EMC2: variants seen among roughly 807,000 people sequenced by gnomAD.
The protein encoded by EMC2 is ER membrane protein complex subunit 2, also known as TPR repeat protein 35.
EMC2 carries 37 observed loss-of-function variants against 51.6 expected under a neutral mutation model. The observed-to-expected ratio is 0.72, with a 90% confidence interval of 0.55 to 0.94. The LOEUF is 0.94. EMC2 is among the 40% of genes least tolerant of loss of function. The probability of loss-of-function intolerance (pLI) is 0.00; values close to 1 mark genes in which losing one functional copy is unlikely to be tolerated. For synonymous variants in EMC2, 131 were observed against 112.4 expected (o/e 1.17, Z -1.04); for missense variants, 359 against 350.9 (o/e 1.02, Z -0.18).
At chr8:108,446,526 C>T (rs377580500) in intron 1 of EMC2, among the ~76,000 whole-genome samples, 1 of 152,180 alleles carries the variant, frequency 6.6e-6, no homozygotes, top group East Asian at 1.9e-4. Flanking sequence ...AAACAATCCA[C>T]AGGACTTAGA....
chr8:108,474,669 T>A (rs900557416), intron 7 of EMC2: 12 of 151,912 alleles, frequency 7.9e-5, no homozygotes, highest in Non-Finnish European at 1.6e-4. Context: ...TCCCTTTGGG[T>A]GTGACTGCTG....
chr8:108,464,995 G>C (rs971795107), intron 5 of EMC2, among the ~76,000 whole-genome samples: 4 of 152,104 alleles, frequency 2.6e-5, no homozygotes, highest in East Asian at 3.9e-4. Flanking sequence ...AGTGAGGCAG[G>C]GGGGAGGTTA....
intron 7 of EMC2, among the ~76,000 whole-genome samples, chr8:108,472,532 T>A (rs1004126507): frequency 2.0e-5 from 3 of 151,538 alleles, no homozygotes; most frequent in Non-Finnish European, 4.4e-5. Context: ...AGTTACAAAA[T>A]GACCATTTTT....
intron 4 of EMC2, 145 bp from the exon 5 acceptor site, chr8:108,455,728 G>T: frequency 8.9e-6 from 3 of 337,220 alleles, no homozygotes; most frequent in East Asian, 5.4e-5. Flanking sequence ...GGAAGACTTC[G>T]GTAACGATTA....
chr8:108,450,373 T>G, intron 2 of EMC2, 55 bp from the exon 3 acceptor site: 5 of 960,864 alleles, frequency 5.2e-6, no homozygotes, highest in Non-Finnish European at 8.4e-6. Context: ...TTAATTTCCA[T>G]TTGGGTTTGT....
At chr8:108,474,177 C>T (rs1456517918) in intron 7 of EMC2, 4 of 152,006 alleles carry the variant, frequency 2.6e-5, no homozygotes, top group Admixed American at 1.3e-4. Context: ...TCATTTTACC[C>T]TAAGAGCTGC....
At chr8:108,461,007 G>T (rs1819306425) in intron 5 of EMC2, among the ~76,000 whole-genome samples, 1 of 152,136 alleles carries the variant, frequency 6.6e-6, no homozygotes, top group Non-Finnish European at 1.5e-5. Flanking sequence ...GACATTGAAG[G>T]AGAAAACATA....
Position 108,486,871 on chromosome 8 carries a change from T to C in EMC2, c.*273T>C, listed in dbSNP as rs914790215. The C allele has an allele frequency of 1.2e-5, 3 of 250,052 alleles. No homozygotes were observed. Among genetic ancestry groups the C allele is most frequent in the African/African-American group, 4.5e-5 (2 of 44,812 alleles). The allele number at this position is 250,052 out of a possible 1,614,324, so 15.5% of individuals were successfully genotyped here. A position where few individuals can be genotyped will look rare whatever the true frequency, so the allele number is the denominator to read the frequency against. On this transcript the variant is annotated 3_prime_UTR_variant, in exon 11 of 11. Transcript: ENST00000220853. ...TACATGTATATATATAAAACTCTAA[T>C]GTAGTATAACCTTGTTAAATAAACC...
At chr8:108,468,681 C>T (rs758475148) in intron 5 of EMC2, among the ~76,000 whole-genome samples, 5 of 152,102 alleles carry the variant, frequency 3.3e-5, no homozygotes, top group Non-Finnish European at 5.9e-5. Flanking sequence ...TTACTTCTGT[C>T]TGCATCTTGT....
chr8:108,451,016 A>G (rs552564604), intron 3 of EMC2, among the ~76,000 whole-genome samples: 2 of 152,270 alleles, frequency 1.3e-5, no homozygotes, highest in East Asian at 3.9e-4. Context: ...AGCCTGGCCA[A>G]CGTGGTGAAA....
intron 1 of EMC2, among the ~76,000 whole-genome samples, chr8:108,445,034 T>C (rs930236693): frequency 1.1e-4 from 17 of 152,232 alleles, no homozygotes; most frequent in Admixed American, 2.6e-4. Flanking sequence ...GGTATGTTCA[T>C]TATAGGTTTC....
intron 5 of EMC2, among the ~76,000 whole-genome samples, chr8:108,466,108 A>G (rs1586185684): frequency 2.0e-5 from 3 of 152,206 alleles, no homozygotes; most frequent in African/African-American, 2.4e-5. Context: ...TCTTTATTCT[A>G]TAGGCATACA....
At chr8:108,469,634 T>A (rs1188028032) in intron 5 of EMC2, among the ~76,000 whole-genome samples, 192 bp from the exon 6 acceptor site, 1 of 152,170 alleles carries the variant, frequency 6.6e-6, no homozygotes, top group Non-Finnish European at 1.5e-5. Context: ...GTAAAGCATA[T>A]GTGATTGTTA....
At chr8:108,448,065 AGTG>A (rs1292106586) in intron 1 of EMC2, among the ~76,000 whole-genome samples, 1 of 152,108 alleles carries the variant, frequency 6.6e-6, no homozygotes, top group South Asian at 2.1e-4. Flanking sequence ...GAAAGACAAT[AGTG>A]GTGCCTGTGA....
intron 3 of EMC2, among the ~76,000 whole-genome samples, chr8:108,451,524 C>G (rs766144585): frequency 6.6e-6 from 1 of 152,082 alleles, no homozygotes; most frequent in African/African-American, 2.4e-5. Context: ...AAAAAATTCA[C>G]ATCTGAATTA....
intron 1 of EMC2, 32 bp downstream of exon 1, chr8:108,443,730 C>T (rs747739372): frequency 6.3e-7 from 1 of 1,590,716 alleles, no homozygotes; most frequent in Admixed American, 1.7e-5. Context: ...TGCGGAAAGA[C>T]TAAAAGCGCT....
chr8:108,461,728 A>T (rs149209161), intron 5 of EMC2, among the ~76,000 whole-genome samples: 2 of 152,214 alleles, frequency 1.3e-5, no homozygotes, highest in Admixed American at 1.3e-4. Flanking sequence ...TGAGAAAGTC[A>T]TACACATGTT....
At chr8:108,468,231 C>G (rs1364538110) in intron 5 of EMC2, among the ~76,000 whole-genome samples, 1 of 152,170 alleles carries the variant, frequency 6.6e-6, no homozygotes, top group African/African-American at 2.4e-5. Context: ...CATTTTAAGT[C>G]TAAAATTCTT....
chr8:108,470,243 C>A, intron 7 of EMC2, 122 bp downstream of exon 7: 1 of 633,880 alleles, frequency 1.6e-6, no homozygotes, highest in Non-Finnish European at 2.8e-6. Context: ...AAATGAGAAA[C>A]AGAACAAATC....
Sources: gnomAD v4.1 joint callset for allele counts (sites outside exome capture counted in the v4.1 genomes callset) on GRCh38, gnomAD v4.1.1 for gene constraint, MANE v1.5 for transcripts, NCBI Gene and HGNC (gene_info 2026-07-23, HGNC 2026-07-21) for gene names.